The following GALNT13 variants were observed in gnomAD, a reference collection of about 807,000 sequenced individuals.
GALNT13 encodes the protein UDP-GalNAc:polypeptide N-acetylgalactosaminyltransferase 13.
A neutral mutation model predicts 64.2 loss-of-function variants in GALNT13; 28 were observed. The observed-to-expected ratio is 0.44, with a 90% CI of 0.32 to 0.60. The LOEUF (loss-of-function observed/expected upper bound fraction) is 0.60. Ranked by LOEUF, GALNT13 falls within the 20% of genes least tolerant of loss-of-function variation. The pLI is 0.05. For synonymous variants in GALNT13, 214 were observed against 224.6 expected (o/e 0.95, Z 0.42); for missense variants, 577 against 669.8 (o/e 0.86, Z 1.53).
the GALNT13 span, among the ~76,000 whole-genome samples, chr2:153,810,801 A>G: frequency 6.6e-6 from 1 of 152,340 alleles, no homozygotes; most frequent in South Asian, 2.1e-4. Context: ...ATCTATTAAA[A>G]TGTTGTGCTT....
intron 3 of GALNT13, among the ~76,000 whole-genome samples, chr2:154,110,139 T>C (rs1182682643): frequency 6.6e-6 from 1 of 151,502 alleles, no homozygotes; most frequent in Non-Finnish European, 1.5e-5. Context: ...ATCTCATTTG[T>C]TATTGATATG....
At chr2:154,265,567 C>T (rs193224834) in intron 8 of GALNT13, among the ~76,000 whole-genome samples, 33 of 152,052 alleles carry the variant, frequency 2.2e-4, no homozygotes, top group East Asian at 2.1e-3. Context: ...GGTGTGGTGG[C>T]GGGCACCTGT....
the GALNT13 span, among the ~76,000 whole-genome samples, chr2:153,839,421 A>G: frequency 2.0e-5 from 3 of 151,836 alleles, no homozygotes; most frequent in Non-Finnish European, 4.4e-5. Context: ...TTATATGTTG[A>G]AGAATATTTC....
At chr2:153,847,586 A>C in the GALNT13 span, among the ~76,000 whole-genome samples, 4 of 152,154 alleles carry the variant, frequency 2.6e-5, no homozygotes, top group African/African-American at 9.7e-5. Context: ...AAATTCCTAG[A>C]TATTTGGAAA....
the GALNT13 span, among the ~76,000 whole-genome samples, chr2:153,673,575 A>G: frequency 6.6e-6 from 1 of 152,188 alleles, no homozygotes; most frequent in African/African-American, 2.4e-5. Context: ...AATAAGAGCT[A>G]TTTATGACAA....
At chr2:153,983,574 G>C (rs758753115) in intron 3 of GALNT13, among the ~76,000 whole-genome samples, 1 of 151,964 alleles carries the variant, frequency 6.6e-6, no homozygotes, top group East Asian at 1.9e-4. Context: ...ATGGTTTTAT[G>C]TTTGCAGTAA....
At chr2:153,170,102 C>T in the GALNT13 span, among the ~76,000 whole-genome samples, 18,562 of 152,036 alleles carry the variant, frequency 0.12, 1,337 homozygotes, top group Non-Finnish European at 0.16. Context: ...ATGAAAATTA[C>T]GGTTACAGTC....
At chr2:154,371,667 A>G (rs1697693620) in intron 9 of GALNT13, among the ~76,000 whole-genome samples, 1 of 151,702 alleles carries the variant, frequency 6.6e-6, no homozygotes, top group African/African-American at 2.4e-5. Flanking sequence ...AAGGGTAGGC[A>G]TTTTCGTTTT....
chr2:153,081,993 G>C, the GALNT13 span, among the ~76,000 whole-genome samples: 3 of 152,144 alleles, frequency 2.0e-5, no homozygotes, highest in African/African-American at 7.2e-5. Context: ...CACCAACAGT[G>C]TACAGAGTTT....
chr2:154,152,744 T>C (rs1684126905), intron 4 of GALNT13, among the ~76,000 whole-genome samples: 1 of 152,228 alleles, frequency 6.6e-6, no homozygotes, highest in South Asian at 2.1e-4. Flanking sequence ...ACTTCTGCAT[T>C]CTTCATGTAG....
chr2:153,610,746 G>T, the GALNT13 span, among the ~76,000 whole-genome samples: 1 of 151,982 alleles, frequency 6.6e-6, no homozygotes, highest in East Asian at 1.9e-4. Context: ...AATAAATGTA[G>T]CTAAAATAAA....
chr2:154,014,778 G>A (rs1328815801), intron 3 of GALNT13, among the ~76,000 whole-genome samples: 2 of 150,766 alleles, frequency 1.3e-5, no homozygotes, highest in African/African-American at 4.9e-5. Flanking sequence ...GACTACAGGC[G>A]CCCACCACCA....
At chr2:154,175,890 C>T (rs375469752) in intron 4 of GALNT13, among the ~76,000 whole-genome samples, 8 of 151,982 alleles carry the variant, frequency 5.3e-5, no homozygotes, top group South Asian at 2.1e-4. Flanking sequence ...TATTGCAGTA[C>T]GTCTATGGTT....
the GALNT13 span, among the ~76,000 whole-genome samples, chr2:153,780,238 T>TATATGCATATATATATATATATATGA: frequency 6.6e-5 from 1 of 15,098 alleles, no homozygotes; most frequent in Non-Finnish European, 4.2e-4. Flanking sequence ...TATATATATA[T>TATATGCATATATATATATATATATGA]ATATATATAT....
chr2:153,997,188 T>G (rs2105208412), intron 3 of GALNT13, among the ~76,000 whole-genome samples: 1 of 152,296 alleles, frequency 6.6e-6, no homozygotes, highest in African/African-American at 2.4e-5. Context: ...TTAGGATTGC[T>G]TTTTCTATTT....
At chr2:153,168,832 C>T in the GALNT13 span, among the ~76,000 whole-genome samples, 1 of 152,124 alleles carries the variant, frequency 6.6e-6, no homozygotes, top group Non-Finnish European at 1.5e-5. Flanking sequence ...GAAGAGGAGA[C>T]CTCATATGCC....
chr2:154,253,840 CATTT>C (rs879674806), intron 7 of GALNT13, among the ~76,000 whole-genome samples: 1 of 152,126 alleles, frequency 6.6e-6, no homozygotes, highest in Non-Finnish European at 1.5e-5. Flanking sequence ...ATACATTACT[CATTT>C]GTTTGTTATT....
the GALNT13 span, among the ~76,000 whole-genome samples, chr2:153,131,263 T>C: frequency 6.6e-6 from 1 of 152,180 alleles, no homozygotes; most frequent in Non-Finnish European, 1.5e-5. Flanking sequence ...AAGTACCCTT[T>C]GGACAAGATA....
At chr2:154,308,970 T>C (rs1223806876) in intron 9 of GALNT13, among the ~76,000 whole-genome samples, 1 of 152,158 alleles carries the variant, frequency 6.6e-6, no homozygotes, top group Non-Finnish European at 1.5e-5. Flanking sequence ...TATGGGTTTT[T>C]ATTTGTATTT....
Sources: allele counts gnomAD v4.1 joint callset (sites outside exome capture counted in the v4.1 genomes callset), GRCh38; gene constraint gnomAD v4.1.1; transcripts MANE v1.5; gene names NCBI Gene and HGNC (gene_info 2026-07-23, HGNC 2026-07-21).